Variants in CACNA2D3 observed in about 807,000 individuals in gnomAD.
CACNA2D3 encodes voltage-dependent calcium channel subunit alpha-2/delta-3.
CACNA2D3 carries 60 observed loss-of-function variants against 160.6 expected under a neutral mutation model. That is an observed-to-expected ratio of 0.37 (90% CI 0.30 to 0.46). The LOEUF is 0.46. Ranked by LOEUF, CACNA2D3 falls within the 20% of genes least tolerant of loss-of-function variation. The probability of loss-of-function intolerance (pLI) is 1.00; values close to 1 mark genes in which losing one functional copy is unlikely to be tolerated. For missense variants in CACNA2D3, 1,205 were observed against 1,365.0 expected, an observed-to-expected ratio of 0.88 and a Z score of 1.85; for synonymous variants, 558 against 492.9, an observed-to-expected ratio of 1.13 and a Z score of -1.75.
intron 3 of CACNA2D3, among the ~76,000 whole-genome samples, chr3:54,324,178 A>G (rs927263319): frequency 1.5e-4 from 23 of 152,156 alleles, no homozygotes; most frequent in African/African-American, 4.8e-4. Context: ...CCTGTTAAAC[A>G]ATGTTGATCT....
chr3:55,026,177 T>C (rs1369102354), intron 35 of CACNA2D3, among the ~76,000 whole-genome samples: 2 of 152,138 alleles, frequency 1.3e-5, no homozygotes, highest in African/African-American at 4.8e-5. Context: ...TCTAACATCA[T>C]GGAATGGTTT....
At chr3:55,053,972 C>G (rs1396967902) in intron 35 of CACNA2D3, among the ~76,000 whole-genome samples, 1 of 151,630 alleles carries the variant, frequency 6.6e-6, no homozygotes, top group Non-Finnish European at 1.5e-5. Context: ...CTTGTTCATC[C>G]TCTTTTTTTT....
At chr3:54,790,417 T>C (rs1024270330) in intron 13 of CACNA2D3, among the ~76,000 whole-genome samples, 6 of 152,196 alleles carry the variant, frequency 3.9e-5, no homozygotes, top group Non-Finnish European at 8.8e-5. Flanking sequence ...AAGGTTCCCA[T>C]GAGCCAAGCT....
chr3:54,682,267 T>C (rs984489534), intron 11 of CACNA2D3, among the ~76,000 whole-genome samples: 35 of 152,078 alleles, frequency 2.3e-4, no homozygotes, highest in African/African-American at 8.5e-4. Flanking sequence ...GAGGCATAAT[T>C]ATATGCAGAC....
intron 17 of CACNA2D3, among the ~76,000 whole-genome samples, chr3:54,857,937 C>T (rs1231309386): frequency 6.6e-6 from 1 of 152,056 alleles, no homozygotes; most frequent in East Asian, 1.9e-4. Context: ...CTATTAATAA[C>T]TGAGAGTAGG....
intron 3 of CACNA2D3, among the ~76,000 whole-genome samples, chr3:54,378,340 G>A (rs952454387): frequency 6.6e-6 from 1 of 152,178 alleles, no homozygotes; most frequent in Non-Finnish European, 1.5e-5. Flanking sequence ...TAGAGTTCAT[G>A]CTCCTATGAG....
chr3:54,488,824 A>G (rs191877548), intron 4 of CACNA2D3, among the ~76,000 whole-genome samples: 74 of 152,254 alleles, frequency 4.9e-4, no homozygotes, highest in African/African-American at 1.7e-3. Flanking sequence ...TCACTCAGAT[A>G]AGTGTGCGAT....
At chr3:54,627,607 T>C (rs534624583) in intron 9 of CACNA2D3, among the ~76,000 whole-genome samples, 180 bp from the exon 10 acceptor site, 1 of 152,314 alleles carries the variant, frequency 6.6e-6, no homozygotes, top group South Asian at 2.1e-4. Flanking sequence ...ACCATGAATA[T>C]TGAAGGTAAG....
intron 4 of CACNA2D3, among the ~76,000 whole-genome samples, chr3:54,469,982 A>G (rs12633791): frequency 0.41 from 61,875 of 152,030 alleles, 13,143 homozygotes; most frequent in Admixed American, 0.5. Context: ...GATGGGGAGA[A>G]TGGAACCAAG....
chr3:54,883,822 T>TCTCTCTC (rs769832563), intron 21 of CACNA2D3, among the ~76,000 whole-genome samples: 3 of 123,268 alleles, frequency 2.4e-5, no homozygotes, highest in Admixed American at 8.4e-5. Flanking sequence ...TCTCTCTCTC[T>TCTCTCTC]CCTCTCTCTC....
At chr3:54,149,932 C>CT (rs1559863353) in intron 2 of CACNA2D3, among the ~76,000 whole-genome samples, 61 of 23,820 alleles carry the variant, frequency 2.6e-3, no homozygotes, top group African/African-American at 9.4e-3. Flanking sequence ...TCTCTCTCTC[C>CT]CTCCCTCCCT....
rs573733672 is a variant in CACNA2D3, at chr3:54,974,244, G to T, written c.2556+4400G>T. Among the ~76,000 whole-genome samples the T allele has an allele frequency of 1.2e-4, 19 of 152,320 alleles. No individual in the cohort carries two copies. In the South Asian group the frequency reaches 3.9e-3, roughly 32 times the overall value. The stretch of plus-strand genomic sequence containing the variant: ...ATAAACATTTGCTGAGCAGATGGAA[G>T]CCTGTGTTCTTGGAGGACTTACTAT... On this transcript the variant is annotated intron_variant, in intron 29 of 37. Coordinates refer to ENST00000474759, the MANE Select transcript of CACNA2D3 (RefSeq NM_018398.3).
At chr3:54,135,963 C>CCGTGGG (rs1699807665) in intron 2 of CACNA2D3, among the ~76,000 whole-genome samples, 1 of 152,232 alleles carries the variant, frequency 6.6e-6, no homozygotes, top group African/African-American at 2.4e-5. Context: ...CCACGTCCCA[C>CCGTGGG]CGTGGGCTTC....
At chr3:54,689,847 G>T (rs1304667726) in intron 11 of CACNA2D3, among the ~76,000 whole-genome samples, 2 of 152,080 alleles carry the variant, frequency 1.3e-5, no homozygotes, top group Non-Finnish European at 2.9e-5. Context: ...AACAGCCAGA[G>T]TGATTTGTTT....
chr3:54,175,746 C>T (rs1276373289), intron 2 of CACNA2D3, among the ~76,000 whole-genome samples: 1 of 151,994 alleles, frequency 6.6e-6, no homozygotes, highest in African/African-American at 2.4e-5. Flanking sequence ...GCTGATATAC[C>T]ATCTTGAGGT....
intron 12 of CACNA2D3, among the ~76,000 whole-genome samples, chr3:54,763,629 G>C (rs1447674284): frequency 2.3e-5 from 3 of 131,744 alleles, no homozygotes; most frequent in Admixed American, 8.1e-5. Context: ...AACATATACT[G>C]TGTGTGTGTG....
chr3:54,423,509 C>G (rs1699868608), intron 4 of CACNA2D3, among the ~76,000 whole-genome samples: 1 of 152,158 alleles, frequency 6.6e-6, no homozygotes, highest in Non-Finnish European at 1.5e-5. Context: ...TCGCTATGCT[C>G]TGAATTCATA....
Position 54,664,374 on chromosome 3 carries a change from A to G in CACNA2D3, c.1167+22133A>G, listed in dbSNP as rs550592546. Among the ~76,000 whole-genome samples the G allele has an allele frequency of 9.7e-4, 148 of 152,162 alleles. 1 individual carries two copies. Among genetic ancestry groups the G allele is most frequent in the Non-Finnish European group, 1.5e-3 (104 of 68,032 alleles). On this transcript the variant is annotated intron_variant, in intron 11 of 37. Coordinates refer to ENST00000474759, the MANE Select transcript of CACNA2D3 (RefSeq NM_018398.3). ...TTTCTGAACTCAGAAAGCCATATCT[A>G]CATGTTCCAAAATACTCTGTCATTT...
intron 9 of CACNA2D3, among the ~76,000 whole-genome samples, chr3:54,601,302 C>A (rs1703055582): frequency 6.6e-6 from 1 of 152,142 alleles, no homozygotes; most frequent in African/African-American, 2.4e-5. Context: ...CTCCTGGTCT[C>A]AAAGGATCCT....
Sources: gnomAD v4.1 joint callset for allele counts (sites outside exome capture counted in the v4.1 genomes callset) on GRCh38, gnomAD v4.1.1 for gene constraint, MANE v1.5 for transcripts, NCBI Gene and HGNC (gene_info 2026-07-23, HGNC 2026-07-21) for gene names.